The following PLPPR4 variants were observed in gnomAD, a reference collection of about 807,000 sequenced individuals.
PLPPR4 encodes the protein phospholipid phosphatase-related protein type 4.
PLPPR4 carries 24 observed loss-of-function variants against 56.6 expected under a neutral mutation model. That is an observed-to-expected ratio of 0.42 (90% confidence interval 0.31 to 0.60). PLPPR4 has a LOEUF of 0.60. Ranked by LOEUF, PLPPR4 falls within the 20% of genes least tolerant of loss-of-function variation. The pLI is 0.13. For missense variants in PLPPR4, 654 were observed against 885.8 expected (o/e 0.74, Z 3.32); for synonymous variants, 326 against 328.1 (o/e 0.99, Z 0.07).
chr1:99,292,778 T>C (rs1025124605), intron 2 of PLPPR4, among the ~76,000 whole-genome samples: 5 of 152,118 alleles, frequency 3.3e-5, no homozygotes, highest in Non-Finnish European at 7.4e-5. Context: ...TCACTCTACT[T>C]TCATTTTTTT....
chr1:99,298,988 T>G, intron 3 of PLPPR4, 47 bp from the exon 4 acceptor site: 1 of 1,314,992 alleles, frequency 7.6e-7, no homozygotes, highest in South Asian at 1.2e-5. Flanking sequence ...TGTTTGATGC[T>G]GACACAACCA....
At chr1:99,302,770 T>C (rs938125700) in intron 6 of PLPPR4, among the ~76,000 whole-genome samples, 1 of 148,522 alleles carries the variant, frequency 6.7e-6, no homozygotes, top group Non-Finnish European at 1.5e-5. Context: ...CGGTGTTTGG[T>C]TTTTTATCTT....
intron 2 of PLPPR4, among the ~76,000 whole-genome samples, chr1:99,288,671 C>G (rs984155859): frequency 6.6e-6 from 1 of 152,036 alleles, no homozygotes; most frequent in Non-Finnish European, 1.5e-5. Flanking sequence ...CACATACATA[C>G]AGACATACTC....
intron 6 of PLPPR4, 65 bp downstream of exon 6, chr1:99,301,962 G>C: frequency 1.7e-6 from 2 of 1,184,688 alleles, no homozygotes; most frequent in Non-Finnish European, 2.4e-6. Flanking sequence ...AGAATATTTT[G>C]CACTATAATA....
intron 2 of PLPPR4, among the ~76,000 whole-genome samples, chr1:99,294,056 C>T (rs762914876): frequency 6.6e-6 from 1 of 151,772 alleles, no homozygotes. Flanking sequence ...CTTATCAGAA[C>T]CTAAATTCTG....
chr1:99,297,888 G>A (rs1369885036), intron 3 of PLPPR4, among the ~76,000 whole-genome samples: 1 of 152,054 alleles, frequency 6.6e-6, no homozygotes, highest in African/African-American at 2.4e-5. Context: ...ACCCTCTCTC[G>A]ACTGGAAGGA....
intron 1 of PLPPR4, among the ~76,000 whole-genome samples, chr1:99,271,983 T>C (rs1053625921): frequency 2.0e-5 from 3 of 148,054 alleles, no homozygotes; most frequent in Non-Finnish European, 3.0e-5. Flanking sequence ...GGAGACCCCT[T>C]TAAACATTTT....
intron 3 of PLPPR4, among the ~76,000 whole-genome samples, chr1:99,298,399 G>C (rs1659798631): frequency 6.6e-6 from 1 of 152,092 alleles, no homozygotes; most frequent in Non-Finnish European, 1.5e-5. Context: ...GTTTAAAATT[G>C]GTCCTAGGAG....
chr1:99,264,201 C>A, upstream of PLPPR4: 1 of 529,362 alleles, frequency 1.9e-6, no homozygotes, highest in Non-Finnish European at 3.3e-6. Context: ...ACCAGGAGTG[C>A]GTCCTCCTTT....
At position 99,288,188 on chromosome 1, in the gene PLPPR4, G is replaced by GA. The variant is rs773095141; in HGVS notation, c.264+42dup. On this transcript the variant is annotated intron_variant, in intron 2 of 6. Coordinates refer to ENST00000370185, the MANE Select transcript of PLPPR4 (RefSeq NM_014839.5). ...CCCAAAATTGTGTTTATCTGTCCTGGAAAACTAAAAATCACCACATTTGTA... is the reference window on the plus strand; with the variant it reads ...CCCAAAATTGTGTTTATCTGTCCTGGAAAAACTAAAAATCACCACATTTGTA... 13 of 1,577,258 alleles carry GA rather than the reference G, an allele frequency of 8.2e-6. No individual in the cohort carries two copies. The Admixed American group carries it at 2.1e-4, about 26-fold the overall frequency.
At position 99,288,898 on chromosome 1, in the gene PLPPR4, A is replaced by G. The variant is rs192348598; in HGVS notation, c.264+748A>G. On this transcript the variant is annotated intron_variant, in intron 2 of 6. Transcript: ENST00000370185. ...TACCCTGAAAAGATGTACATCTATC[A>G]TGTATCAATAAAAAATCTAAAATAA... Among the ~76,000 whole-genome samples the G allele has an allele frequency of 2.4e-3, 362 of 152,256 alleles. 4 individuals are homozygous for G. The highest frequency in any genetic ancestry group is 0.011 in the Admixed American group (169 of 15,286).
intron 6 of PLPPR4, among the ~76,000 whole-genome samples, chr1:99,302,669 C>T (rs1172653767): frequency 1.9e-5 from 2 of 107,754 alleles, no homozygotes; most frequent in East Asian, 6.6e-4. Flanking sequence ...CCCCCCTCCC[C>T]CCACCCCACA....
At chr1:99,293,543 AG>A (rs1435007888) in intron 2 of PLPPR4, among the ~76,000 whole-genome samples, 1 of 152,158 alleles carries the variant, frequency 6.6e-6, no homozygotes, top group Non-Finnish European at 1.5e-5. Context: ...CAGAAAAAAA[AG>A]GGCGCTTTTT....
At chr1:99,300,250 A>G (rs537518624) in intron 4 of PLPPR4, among the ~76,000 whole-genome samples, 1 of 152,096 alleles carries the variant, frequency 6.6e-6, no homozygotes, top group South Asian at 2.1e-4. Context: ...ATTGAAACAA[A>G]TCTCTATTCT....
At position 99,309,476 on chromosome 1, in the gene PLPPR4, A is replaced by G. The variant is rs1019389654; in HGVS notation, c.*2466A>G. On this transcript the variant is annotated 3_prime_UTR_variant, in exon 7 of 7. Coordinates refer to ENST00000370185, the MANE Select transcript of PLPPR4 (RefSeq NM_014839.5). ...GTTATGCAATGTTTTCCAAACTGAT[A>G]AAGTTTGTAAAGTGCTATAAATGTA... 4.6e-5 allele frequency: 7 copies of G among 152,458 alleles called. No individual in the cohort carries two copies. Among genetic ancestry groups the G allele is most frequent in the Non-Finnish European group, 8.8e-5 (6 of 67,990 alleles). 9.4% of individuals were successfully genotyped at this position (152,458 alleles called of 1,614,324 possible).
chr1:99,288,831 A>G lies in PLPPR4; in HGVS notation c.264+681A>G, dbSNP rs1659540940. On this transcript the variant is annotated intron_variant, in intron 2 of 6. Coordinates refer to ENST00000370185, the MANE Select transcript of PLPPR4 (RefSeq NM_014839.5). ...TGACGAATATCCTAATTACTTTGAT[A>G]TGATCTTTACATGTTATATGAATGT... Among the ~76,000 whole-genome samples the G allele has an allele frequency of 5.3e-5, 8 of 152,284 alleles. No individual in the cohort carries two copies. The South Asian group carries it at 1.7e-3, about 32-fold the overall frequency.
At chr1:99,264,463 G>A (rs1197436164), upstream of PLPPR4, 4 of 1,507,396 alleles carry the variant, frequency 2.7e-6, no homozygotes, top group East Asian at 9.8e-5. Flanking sequence ...CAGCGCGCTG[G>A]CTCCAGCGGT....
rs186195610 is a variant in PLPPR4, at chr1:99,292,608, A to G, written c.265-4130A>G. Among the ~76,000 whole-genome samples the G allele has an allele frequency of 1.0e-3, 157 of 152,250 alleles. 4 individuals are homozygous for G. The East Asian group carries it at 0.023, about 22-fold the overall frequency. Reference sequence around the variant, plus strand: ...ACACTTCAGGATCCCTGATTTCCCTATATCACTTCAGGATACTCCAAGATG... The same window carrying G: ...ACACTTCAGGATCCCTGATTTCCCTGTATCACTTCAGGATACTCCAAGATG... On this transcript the variant is annotated intron_variant, in intron 2 of 6. Coordinates refer to ENST00000370185, the MANE Select transcript of PLPPR4 (RefSeq NM_014839.5).
intron 1 of PLPPR4, among the ~76,000 whole-genome samples, chr1:99,285,202 T>A (rs550927473): frequency 4.6e-5 from 7 of 152,344 alleles, no homozygotes; most frequent in African/African-American, 1.7e-4. Context: ...TAACTGCTTA[T>A]CCACCTGCAA....
Sources: gnomAD v4.1 joint callset for allele counts (sites outside exome capture counted in the v4.1 genomes callset) on GRCh38, gnomAD v4.1.1 for gene constraint, MANE v1.5 for transcripts, NCBI Gene and HGNC (gene_info 2026-07-23, HGNC 2026-07-21) for gene names.